The following BIRC6 variants were observed in gnomAD, a reference collection of about 807,000 sequenced individuals.
BIRC6 encodes the protein baculoviral IAP repeat containing 6, also known as dual E2 ubiquitin-conjugating enzyme/E3 ubiquitin-protein ligase BIRC6.
BIRC6 carries 98 observed loss-of-function variants against 503.3 expected under a neutral mutation model. The observed-to-expected ratio is 0.19, with a 90% CI of 0.17 to 0.23. The LOEUF (loss-of-function observed/expected upper bound fraction) is 0.23. Among genes scored for constraint, BIRC6 ranks in the 10% least tolerant of loss-of-function variants. BIRC6 has a pLI of 1.00. For synonymous variants in BIRC6, 2,240 were observed against 2,078.7 expected (o/e 1.08, Z -2.11); for missense variants, 5,360 against 5,806.0 (o/e 0.92, Z 2.50).
chr2:32,368,714 T>G lies in BIRC6; in HGVS notation c.326-8874T>G, dbSNP rs565486799. ...TCTCCCAGGCTGGAGTGCAGTGGTG[T>G]GATCTCAGCTCACTTCAACGTCTTC... On this transcript the variant is annotated intron_variant, in intron 1 of 73. Transcript: ENST00000421745. Among the ~76,000 whole-genome samples, 5 of 152,236 alleles carry G rather than the reference T, an allele frequency of 3.3e-5. No individual in the cohort carries two copies. In the Middle Eastern group the frequency reaches 0.014, roughly 414 times the overall value.
chr2:32,474,121 A>G (rs986558753), intron 33 of BIRC6, among the ~76,000 whole-genome samples: 15 of 152,028 alleles, frequency 9.9e-5, no homozygotes, highest in African/African-American at 3.6e-4. Flanking sequence ...TAGCTCTGGC[A>G]TGTTGTGAAA....
chr2:32,379,577 C>T (rs2037330663), intron 2 of BIRC6: 2 of 152,054 alleles, frequency 1.3e-5, no homozygotes, highest in African/African-American at 2.4e-5. Flanking sequence ...GTAGATCTTC[C>T]AGCATTCCAG....
chr2:32,464,348 G>A (rs1014729577), intron 24 of BIRC6, among the ~76,000 whole-genome samples, 161 bp from the exon 25 acceptor site: 2 of 152,150 alleles, frequency 1.3e-5, no homozygotes, highest in African/African-American at 4.8e-5. Context: ...ATATAGCAAA[G>A]CAATGATCCA....
chr2:32,426,868 G>C (rs55772620), intron 10 of BIRC6, among the ~76,000 whole-genome samples: 25,034 of 152,068 alleles, frequency 0.16, 2,150 homozygotes, highest in Admixed American at 0.23. Context: ...CTGGAAATGT[G>C]TTCATCTCAC....
chr2:32,611,482 A>G lies in BIRC6; in HGVS notation c.14294A>G (p.Glu4765Gly), dbSNP rs148154265. The G allele has an allele frequency of 3.4e-4, 545 of 1,609,756 alleles. 3 individuals are homozygous for G. The highest frequency in any genetic ancestry group is 1.9e-3 in the South Asian group (175 of 90,512). ...IHKHFYLKRV[E>G]IMAQCEEWIA... ...AAACATTTTTACTTGAAAAGAGTTG[A>G]GATAATGGCCCAATGTGAGGAGTGG... Residue 4765 changes from glutamate to glycine, a missense_variant, in exon 73 of 74, where the codon GAG (glutamate) becomes GGG (glycine). Glu to Gly is a moderately conservative substitution (Grantham distance 98). Around this residue, in one of 16 missense-constraint regions of BIRC6, gnomAD observed 140 missense variants for 130.2 expected, o/e 1.07. Transcript: ENST00000421745.
At chr2:32,604,880 TTTTTC>T (rs984044504) in intron 71 of BIRC6, among the ~76,000 whole-genome samples, 4 of 148,602 alleles carry the variant, frequency 2.7e-5, no homozygotes, top group Non-Finnish European at 4.4e-5. Flanking sequence ...TTCTTTTTTC[TTTTTC>T]TTTTCTTTTC....
chr2:32,578,594 T>C (rs1356063719), intron 66 of BIRC6, among the ~76,000 whole-genome samples: 1 of 151,948 alleles, frequency 6.6e-6, no homozygotes, highest in Non-Finnish European at 1.5e-5. Flanking sequence ...CCAGGAGTTC[T>C]AGACCAGCCT....
intron 70 of BIRC6, among the ~76,000 whole-genome samples, chr2:32,601,125 A>C (rs2062025913): frequency 6.6e-6 from 1 of 152,232 alleles, no homozygotes; most frequent in African/African-American, 2.4e-5. Context: ...CTAAAGGTCA[A>C]ATGGTATATG....
At chr2:32,416,255 A>G in intron 10 of BIRC6, 92 bp downstream of exon 10, 1 of 1,271,456 alleles carries the variant, frequency 7.9e-7, no homozygotes, top group African/African-American at 1.5e-5. Flanking sequence ...TTAGGTTCAA[A>G]TAGATGGGGA....
chr2:32,425,142 C>T (rs2043345994), intron 10 of BIRC6, among the ~76,000 whole-genome samples: 1 of 148,560 alleles, frequency 6.7e-6, no homozygotes, highest in Non-Finnish European at 1.5e-5. Context: ...TTTAGAAATT[C>T]AGGATTCATA....
Position 32,597,735 on chromosome 2 carries a change from T to C in BIRC6, c.13613-16T>C. On this transcript the variant is annotated splice_polypyrimidine_tract_variant and intron_variant, in intron 68 of 73. Coordinates refer to ENST00000421745, the MANE Select transcript of BIRC6 (RefSeq NM_016252.4). ...TTTTTTGCAGTTCTGGGTTTTATTTTTTCTTCTCCTTTTAGATACGTTTGA... is the reference window on the plus strand; with the variant it reads ...TTTTTTGCAGTTCTGGGTTTTATTTCTTCTTCTCCTTTTAGATACGTTTGA... 1.3e-6 allele frequency: 2 copies of C among 1,591,938 alleles called. No individual in the cohort carries two copies. The highest frequency in any genetic ancestry group is 1.7e-6 in the Non-Finnish European group (2 of 1,161,280).
intron 25 of BIRC6, 51 bp from the exon 26 acceptor site, chr2:32,465,014 A>G (rs2048370950): frequency 4.5e-6 from 6 of 1,347,288 alleles, no homozygotes; most frequent in South Asian, 2.7e-5. Context: ...TTTTTATAGA[A>G]CTATAGTAAT....
rs2051143212 is a variant in BIRC6 at position 32,487,558 on chromosome 2, A to G, written c.7814-89A>G. ...AAGAATGCAGTTTTAATTTTTAAAA[A>G]CAATTTAACCTATTTATACATATGA... On this transcript the variant is annotated intron_variant, in intron 40 of 73. Coordinates refer to ENST00000421745, the MANE Select transcript of BIRC6 (RefSeq NM_016252.4). 4 of 1,186,184 alleles carry G rather than the reference A, an allele frequency of 3.4e-6. No homozygotes were observed. The Middle Eastern group carries it at 6.2e-4, about 184-fold the overall frequency. The allele number at this position is 1,186,184 out of a possible 1,614,324, so 73.5% of individuals were successfully genotyped here. A position where few individuals can be genotyped will look rare whatever the true frequency, so the allele number is the denominator to read the frequency against.
At chr2:32,585,327 A>G (rs1230072345) in intron 66 of BIRC6, among the ~76,000 whole-genome samples, 1 of 151,988 alleles carries the variant, frequency 6.6e-6, no homozygotes, top group Non-Finnish European at 1.5e-5. Context: ...AAATTATTTC[A>G]TGCATTCCTT....
At chr2:32,365,326 A>C (rs1402374541) in intron 1 of BIRC6, among the ~76,000 whole-genome samples, 1 of 80,284 alleles carries the variant, frequency 1.2e-5, no homozygotes, top group African/African-American at 5.2e-5. Flanking sequence ...AATAAATGTT[A>C]CTTTTTTTTT....
intron 63 of BIRC6, among the ~76,000 whole-genome samples, chr2:32,546,834 T>G (rs1050484487): frequency 6.6e-6 from 1 of 152,150 alleles, no homozygotes; most frequent in Non-Finnish European, 1.5e-5. Context: ...ATCCCAGCAC[T>G]TTGGGACATA....
intron 67 of BIRC6, among the ~76,000 whole-genome samples, chr2:32,594,729 T>C (rs1047203666): frequency 2.0e-5 from 3 of 152,030 alleles, no homozygotes; most frequent in South Asian, 2.1e-4. Flanking sequence ...GATGGATGGA[T>C]GGACGGATGG....
intron 45 of BIRC6, among the ~76,000 whole-genome samples, chr2:32,498,962 C>T (rs1251211528): frequency 6.6e-6 from 1 of 152,204 alleles, no homozygotes; most frequent in Non-Finnish European, 1.5e-5. Context: ...AAGTGATCTG[C>T]CCACCTGGGG....
intron 60 of BIRC6, 82 bp from the exon 61 acceptor site, chr2:32,531,273 A>G (rs572172279): frequency 8.4e-7 from 1 of 1,188,212 alleles, no homozygotes; most frequent in Non-Finnish European, 1.2e-6. Flanking sequence ...AGAAAGCAGT[A>G]ATACCTGCTT....
Sources: allele counts gnomAD v4.1 joint callset (sites outside exome capture counted in the v4.1 genomes callset), GRCh38; gene constraint gnomAD v4.1.1; regional missense constraint gnomAD v4.1.1; transcripts MANE v1.5; gene names NCBI Gene and HGNC (gene_info 2026-07-23, HGNC 2026-07-21).